Variants in KHDRBS1 observed in about 807,000 individuals in gnomAD.
The protein encoded by KHDRBS1 is KH RNA binding domain containing, signal transduction associated 1.
A neutral mutation model predicts 48.4 loss-of-function variants in KHDRBS1; 7 were observed. The observed-to-expected ratio is 0.14, with a 90% CI of 0.08 to 0.27. KHDRBS1 has a LOEUF of 0.27. Among genes scored for constraint, KHDRBS1 ranks in the 10% least tolerant of loss-of-function variants. KHDRBS1 has a pLI of 1.00. For synonymous variants in KHDRBS1, 241 were observed against 235.8 expected, an observed-to-expected ratio of 1.02 and a Z score of -0.20; for missense variants, 458 against 601.2, an observed-to-expected ratio of 0.76 and a Z score of 2.49.
At chr1:32,051,626 G>A (rs538511319) in intron 10 of KHDRBS1, among the ~76,000 whole-genome samples, 23 of 152,248 alleles carry the variant, frequency 1.5e-4, no homozygotes, top group South Asian at 1.5e-3. Context: ...CAACTTCCTC[G>A]CTTCCTAGCC....
chr1:32,053,557 A>G (rs1469799400), intron 10 of KHDRBS1, among the ~76,000 whole-genome samples: 1 of 151,904 alleles, frequency 6.6e-6, no homozygotes, highest in Admixed American at 6.6e-5. Context: ...TGCCCACTTG[A>G]CTTTATTTTT....
Position 32,037,023 on chromosome 1 carries a change from T to A in KHDRBS1, c.885T>A (p.Pro295=), listed in dbSNP as rs759217974. Residue 295 remains proline (P), a synonymous_variant, in exon 5 of 9, where the codon CCT becomes CCA. Coordinates refer to ENST00000327300, the MANE Select transcript of KHDRBS1 (RefSeq NM_006559.3). The stretch of plus-strand genomic sequence containing the variant: ...CAGTGAGAGGCCGGGGAGCTGCACC[T>A]CCTCCACCACCTGTTCCCAGGTAAA... ...GVPVRGRGAA[P]PPPPVPRGRG... is the part of the protein sequence containing the mutation. 4 of 1,613,936 alleles carry A rather than the reference T, an allele frequency of 2.5e-6. No homozygotes were observed. The highest frequency in any genetic ancestry group is 8.5e-7 in the Non-Finnish European group (1 of 1,179,942).
At chr1:32,026,643 G>GT (rs1638976212) in intron 1 of KHDRBS1, among the ~76,000 whole-genome samples, 2 of 152,196 alleles carry the variant, frequency 1.3e-5, no homozygotes, top group Admixed American at 6.5e-5. Flanking sequence ...ACACCTTCTT[G>GT]TAGGAGTATA....
In KHDRBS1 at chr1:32,031,576, T is replaced by C; in HGVS notation, c.560T>C (p.Leu187Pro). ...CCACAAGGGAATACAATCAAAAGAC[T>C]GCAGGAAGAGACTGGTGCAAAGATC... ...LGPQGNTIKR[L>P]QEETGAKISV... The change falls in exon 3 of 9, where the codon CTG becomes CCG. Residue 187 changes from leucine (L) to proline (P), a missense_variant. By Grantham distance (98) the Leu-to-Pro change is moderately conservative. This residue lies in a region of KHDRBS1 where 74 missense variants were observed against 156.9 expected (regional missense o/e 0.47). Transcript: ENST00000327300. The C allele has an allele frequency of 6.2e-7, 1 of 1,612,062 alleles. No individual in the cohort carries two copies. Among genetic ancestry groups the C allele is most frequent in the Non-Finnish European group, 8.5e-7 (1 of 1,179,448 alleles).
At chr1:32,024,440 A>G (rs1334711201) in intron 1 of KHDRBS1, among the ~76,000 whole-genome samples, 1 of 151,912 alleles carries the variant, frequency 6.6e-6, no homozygotes, top group East Asian at 1.9e-4. Flanking sequence ...CCTCTCTAGT[A>G]ACTGGGACAA....
chr1:32,044,886 C>T (rs924831177), downstream of KHDRBS1, among the ~76,000 whole-genome samples: 7 of 152,312 alleles, frequency 4.6e-5, no homozygotes, highest in East Asian at 3.9e-4. Context: ...CAGCAACTTG[C>T]ATAAACAATT....
chr1:32,049,674 T>A (rs1290456991), intron 10 of KHDRBS1, among the ~76,000 whole-genome samples: 2 of 151,562 alleles, frequency 1.3e-5, no homozygotes, highest in Middle Eastern at 3.2e-3. Context: ...TTATTTTTTT[T>A]TTTTTGAGAC....
In KHDRBS1 at chr1:32,050,306, G is replaced by A. The variant is rs985283153; in HGVS notation, n.1301+4916G>A. Among the ~76,000 whole-genome samples the A allele has an allele frequency of 5.3e-5, 8 of 152,270 alleles. No individual in the cohort carries two copies. The East Asian group carries it at 1.5e-3, about 29-fold the overall frequency. ...TCTGGACGCTAAACTCTTGTCAGAT[G>A]TATGATTTGCAAATATTTTCTCCCA... On this transcript the variant is annotated intron_variant and non_coding_transcript_variant, in intron 10 of 10. Coordinates refer to the KHDRBS1 transcript ENST00000484270.
intron 8 of KHDRBS1, among the ~76,000 whole-genome samples, chr1:32,039,982 A>G (rs919889198): frequency 6.6e-6 from 1 of 152,096 alleles, no homozygotes; most frequent in South Asian, 2.1e-4. Context: ...TTAATCGTAC[A>G]CAACTGTACT....
At chr1:32,038,722 T>G in intron 7 of KHDRBS1, 103 bp downstream of exon 7, 1 of 1,167,400 alleles carries the variant, frequency 8.6e-7, no homozygotes, top group Non-Finnish European at 1.3e-6. Context: ...AGCAGAATGG[T>G]TCGCCTTTTG....
chr1:32,025,332 G>A (rs1301239159), intron 1 of KHDRBS1, among the ~76,000 whole-genome samples: 1 of 115,192 alleles, frequency 8.7e-6, no homozygotes, highest in African/African-American at 3.5e-5. Context: ...ACAGAGTCTC[G>A]CTCTGTCACC....
At chr1:32,033,371 G>A (rs1639117398) in intron 4 of KHDRBS1, 37 bp downstream of exon 4, 3 of 1,609,912 alleles carry the variant, frequency 1.9e-6, no homozygotes, top group Non-Finnish European at 2.5e-6. Flanking sequence ...CTGAGCAAAA[G>A]AGAACTGGGA....
chr1:32,020,380 C>G (rs963270547), intron 1 of KHDRBS1, among the ~76,000 whole-genome samples: 1 of 150,188 alleles, frequency 6.7e-6, no homozygotes, highest in African/African-American at 2.4e-5. Flanking sequence ...GAGCTGAGAT[C>G]GTGCCACTGC....
intron 10 of KHDRBS1, among the ~76,000 whole-genome samples, chr1:32,057,716 G>A (rs866802476): frequency 1.3e-5 from 2 of 149,426 alleles, no homozygotes; most frequent in South Asian, 2.1e-4. Flanking sequence ...GGAGAATGGC[G>A]TGAACCCGGG....
downstream of KHDRBS1, among the ~76,000 whole-genome samples, chr1:32,045,084 A>G (rs1037786396): frequency 3.3e-5 from 5 of 152,190 alleles, no homozygotes; most frequent in East Asian, 1.9e-4. Context: ...TAAAATTTCA[A>G]TGACTGTAGA....
intron 10 of KHDRBS1, among the ~76,000 whole-genome samples, chr1:32,053,170 AAAT>A (rs1639443834): frequency 6.6e-6 from 1 of 152,128 alleles, no homozygotes; most frequent in Admixed American, 6.6e-5. Flanking sequence ...TATACCTATA[AAAT>A]AATAAATTAA....
In KHDRBS1 at chr1:32,042,641, A is replaced by G; in HGVS notation, c.*17A>G. On this transcript the variant is annotated 3_prime_UTR_variant, in exon 9 of 9. Transcript: ENST00000327300. ...CGTTATTAAAAACAAACATGAGGGG[A>G]AAATATCAGTTATGAGCAAAGTTGT... is the stretch of plus-strand genomic sequence containing the variant. 6.8e-7 allele frequency: 1 copy of G among 1,472,942 alleles called. No individual in the cohort carries two copies. Among genetic ancestry groups the G allele is most frequent in the Non-Finnish European group, 9.5e-7 (1 of 1,052,168 alleles). The allele number at this position is 1,472,942 out of a possible 1,614,324, so 91.2% of individuals were successfully genotyped here. A position where few individuals can be genotyped will look rare whatever the true frequency, so the allele number is the denominator to read the frequency against.
intron 1 of KHDRBS1, among the ~76,000 whole-genome samples, chr1:32,018,396 G>A (rs1007956765): frequency 1.3e-5 from 2 of 152,122 alleles, no homozygotes; most frequent in Non-Finnish European, 2.9e-5. Context: ...AGGAGACGGA[G>A]GTTGCAGTGA....
chr1:32,017,951 G>T (rs948363129), intron 1 of KHDRBS1, among the ~76,000 whole-genome samples: 4 of 152,066 alleles, frequency 2.6e-5, no homozygotes, highest in African/African-American at 9.7e-5. Context: ...GTTAGTATAA[G>T]TGACTCAAGA....
Sources: gnomAD v4.1 joint callset for allele counts (sites outside exome capture counted in the v4.1 genomes callset) on GRCh38, gnomAD v4.1.1 for gene constraint, gnomAD v4.1.1 regional missense constraint, MANE v1.5 for transcripts, NCBI Gene and HGNC (gene_info 2026-07-23, HGNC 2026-07-21) for gene names.